CAMK1D: variants seen among roughly 807,000 people sequenced by gnomAD.
CAMK1D encodes the protein calcium/calmodulin dependent protein kinase ID.
CAMK1D carries 9 observed loss-of-function variants against 47.7 expected under a neutral mutation model. The ratio of observed to expected loss-of-function variants is 0.19; its 90% CI spans 0.11 to 0.33. CAMK1D has a LOEUF of 0.33. CAMK1D is among the 10% of genes least tolerant of loss of function. CAMK1D has a pLI of 1.00. For synonymous variants in CAMK1D, 184 were observed against 184.9 expected, an observed-to-expected ratio of 0.99 and a Z score of 0.04; for missense variants, 291 against 488.7, an observed-to-expected ratio of 0.60 and a Z score of 3.81.
At chr10:12,492,361 AAAAAG>A (rs1242076373) in intron 1 of CAMK1D, among the ~76,000 whole-genome samples, 7 of 151,802 alleles carry the variant, frequency 4.6e-5, no homozygotes, top group South Asian at 2.1e-4. Flanking sequence ...AAAAAAAAAA[AAAAAG>A]AAAAGACTGG....
chr10:12,530,497 G>A (rs10906162), intron 1 of CAMK1D, among the ~76,000 whole-genome samples: 43,959 of 152,032 alleles, frequency 0.29, 6,655 homozygotes, highest in East Asian at 0.4. Context: ...AGATATTCTG[G>A]TGGGAAAAGA....
chr10:12,705,146 C>A (rs1336008245), intron 3 of CAMK1D, among the ~76,000 whole-genome samples: 2 of 151,998 alleles, frequency 1.3e-5, no homozygotes, highest in Non-Finnish European at 2.9e-5. Context: ...TGGCTTAAAA[C>A]AAAAAGAAAA....
At chr10:12,516,471 T>A (rs1835214796) in intron 1 of CAMK1D, among the ~76,000 whole-genome samples, 1 of 149,044 alleles carries the variant, frequency 6.7e-6, no homozygotes. Flanking sequence ...TATGTGAACA[T>A]ATGTTTTCAT....
rs116916280 is a variant in CAMK1D, at chr10:12,790,717, G to T, written c.566-441G>T. On this transcript the variant is annotated intron_variant, in intron 5 of 10. Coordinates refer to ENST00000619168, the MANE Select transcript of CAMK1D (RefSeq NM_153498.4). ...TTCTAGTTAAAAATGCCTGTTGAGT[G>T]CAGTGACTCATACCTATAATCCCAG... Among the ~76,000 whole-genome samples, 380 of 152,070 alleles carry T rather than the reference G, an allele frequency of 2.5e-3. 6 individuals carry two copies. The South Asian group carries it at 0.031, about 12-fold the overall frequency.
At chr10:12,708,258 C>T (rs569355511) in intron 3 of CAMK1D, among the ~76,000 whole-genome samples, 1 of 152,016 alleles carries the variant, frequency 6.6e-6, no homozygotes, top group African/African-American at 2.4e-5. Context: ...CAGCTTATGC[C>T]TGGGAGACGT....
chr10:12,807,818 C>A (rs1838804675), intron 6 of CAMK1D, among the ~76,000 whole-genome samples: 1 of 152,206 alleles, frequency 6.6e-6, no homozygotes, highest in Non-Finnish European at 1.5e-5. Context: ...GCCCCCCTGT[C>A]TCCTCTGGCT....
At chr10:12,539,263 G>A (rs1351503418) in intron 1 of CAMK1D, among the ~76,000 whole-genome samples, 1 of 152,028 alleles carries the variant, frequency 6.6e-6, no homozygotes, top group East Asian at 1.9e-4. Flanking sequence ...GTTTTTTTAT[G>A]GAATAGCTTG....
At chr10:12,431,930 A>G (rs1487275705) in intron 1 of CAMK1D, among the ~76,000 whole-genome samples, 1 of 152,196 alleles carries the variant, frequency 6.6e-6, no homozygotes, top group Non-Finnish European at 1.5e-5. Flanking sequence ...CCTTTTGGCC[A>G]TGCGGCAGGG....
chr10:12,524,018 A>C (rs927764199), intron 1 of CAMK1D, among the ~76,000 whole-genome samples: 4 of 152,024 alleles, frequency 2.6e-5, no homozygotes, highest in African/African-American at 9.7e-5. Context: ...CAGCCTCCTG[A>C]GTAGCTGGGA....
At chr10:12,796,531 G>C (rs1054530621) in intron 6 of CAMK1D, among the ~76,000 whole-genome samples, 1 of 152,172 alleles carries the variant, frequency 6.6e-6, no homozygotes, top group African/African-American at 2.4e-5. Context: ...ATCCCTTTGA[G>C]CAATTGACAG....
intron 1 of CAMK1D, among the ~76,000 whole-genome samples, chr10:12,425,284 C>CTT (rs778105667): frequency 4.3e-5 from 6 of 140,962 alleles, no homozygotes; most frequent in South Asian, 2.3e-4. Flanking sequence ...TTCTTTCTTT[C>CTT]TTTTTTTTTT....
At chr10:12,705,844 T>C (rs1833710894) in intron 3 of CAMK1D, among the ~76,000 whole-genome samples, 1 of 152,240 alleles carries the variant, frequency 6.6e-6, no homozygotes, top group Non-Finnish European at 1.5e-5. Context: ...AATGCTTTTA[T>C]TAAACAGCTA....
chr10:12,459,028 G>A (rs1203052262), intron 1 of CAMK1D, among the ~76,000 whole-genome samples: 2 of 151,884 alleles, frequency 1.3e-5, no homozygotes, highest in African/African-American at 2.4e-5. Flanking sequence ...ACAGGGATGC[G>A]CCACCACGTG....
intron 2 of CAMK1D, among the ~76,000 whole-genome samples, chr10:12,594,450 GT>G (rs1481466778): frequency 6.6e-6 from 1 of 152,174 alleles, no homozygotes; most frequent in Non-Finnish European, 1.5e-5. Flanking sequence ...AATTTCACTT[GT>G]ATTTTTCTTG....
At chr10:12,667,006 C>T (rs1172593943) in intron 3 of CAMK1D, 196 bp downstream of exon 3, 3 of 567,256 alleles carry the variant, frequency 5.3e-6, no homozygotes, top group East Asian at 2.9e-5. Context: ...GCCTCCCTTG[C>T]ACCAGCCTGC....
rs183214285 is a variant in CAMK1D at position 12,674,447 on chromosome 10, A to G, written c.299+7637A>G. ...AGCATCGTGGGCACTGAGATACAAC[A>G]GGGGATGCTCAGCACCTTAATATTA... On this transcript the variant is annotated intron_variant, in intron 3 of 10. Transcript: ENST00000619168. Among the ~76,000 whole-genome samples the G allele has an allele frequency of 3.3e-4, 50 of 152,236 alleles. No individual in the cohort carries two copies. The East Asian group carries it at 4.6e-3, about 14-fold the overall frequency.
chr10:12,586,539 T>A (rs1181624872), intron 2 of CAMK1D, among the ~76,000 whole-genome samples: 1 of 152,034 alleles, frequency 6.6e-6, no homozygotes, highest in Admixed American at 6.6e-5. Flanking sequence ...ATCTACTCCT[T>A]TGTTAAAAAC....
At chr10:12,408,832 ATTTC>A (rs1246540369) in intron 1 of CAMK1D, among the ~76,000 whole-genome samples, 14 of 134,314 alleles carry the variant, frequency 1.0e-4, no homozygotes, top group East Asian at 4.3e-4. Flanking sequence ...GTTTTCGTTC[ATTTC>A]TTTCTTTCTT....
chr10:12,574,380 C>T (rs1231374795), intron 2 of CAMK1D, among the ~76,000 whole-genome samples: 1 of 151,362 alleles, frequency 6.6e-6, no homozygotes, highest in Non-Finnish European at 1.5e-5. Flanking sequence ...CAGCTCACTG[C>T]AACCTCTGCT....
Sources: gnomAD v4.1 joint callset for allele counts (sites outside exome capture counted in the v4.1 genomes callset) on GRCh38, gnomAD v4.1.1 for gene constraint, MANE v1.5 for transcripts, NCBI Gene and HGNC (gene_info 2026-07-23, HGNC 2026-07-21) for gene names.